TMEM125: variants seen among roughly 807,000 people sequenced by gnomAD.
The protein encoded by TMEM125 is transmembrane protein 125.
TMEM125 carries 11 observed loss-of-function variants against 8.7 expected under a neutral mutation model. The ratio of observed to expected loss-of-function variants is 1.26; its 90% CI spans 0.79 to 2.08. TMEM125 has a LOEUF of 2.08. TMEM125 is among the 30% of genes most tolerant of loss of function. The pLI is 0.00. For synonymous variants in TMEM125, 144 were observed against 146.1 expected, an observed-to-expected ratio of 0.99 and a Z score of 0.10; for missense variants, 270 against 302.4, an observed-to-expected ratio of 0.89 and a Z score of 0.79.
At position 43,272,449 on chromosome 1, in the gene TMEM125, G is replaced by A. The variant is rs1646497600; in HGVS notation, c.-146+110G>A. ...CATTCCCAAGGGACAGTACTGCAGA[G>A]GGGGCTATCCCAGGGGAGATTCGGG... On this transcript the variant is annotated intron_variant, in intron 3 of 3. Coordinates refer to ENST00000439858, the MANE Select transcript of TMEM125 (RefSeq NM_144626.3). This position sits in a 1 kb window ranked among gnomAD's most constrained non-coding sequence, Gnocchi z 5.0. 1 of 366,718 alleles carries A rather than the reference G, an allele frequency of 2.7e-6. No individual in the cohort carries two copies. Among genetic ancestry groups the A allele is most frequent in the Non-Finnish European group, 4.9e-6 (1 of 204,934 alleles). The allele number at this position is 366,718 out of a possible 1,614,324, so 22.7% of individuals were successfully genotyped here.
rs1486614510 is a variant in TMEM125 at position 43,272,300 on chromosome 1, C to T, written c.-185C>T. The T allele has an allele frequency of 4.4e-5, 7 of 158,664 alleles. No individual in the cohort carries two copies. Among genetic ancestry groups the T allele is most frequent in the African/African-American group, 1.2e-4 (5 of 41,720 alleles). The allele number at this position is 158,664 out of a possible 1,614,324, so 9.8% of individuals were successfully genotyped here. Reference sequence around the variant, plus strand: ...CGTGGCACCAGCTCCCTCAGCCAGCCGGGATGGGACCAGCGACTGAGAGAG... The same window carrying T: ...CGTGGCACCAGCTCCCTCAGCCAGCTGGGATGGGACCAGCGACTGAGAGAG... On this transcript the variant is annotated 5_prime_UTR_variant, in exon 3 of 4. Coordinates refer to ENST00000439858, the MANE Select transcript of TMEM125 (RefSeq NM_144626.3). The surrounding 1 kb of genome is among the most constrained non-coding windows in gnomAD (Gnocchi z 5.0).
chr1:43,272,773 C>G lies in TMEM125; in HGVS notation c.51C>G (p.Asp17Glu). 2 of 1,528,948 alleles carry G rather than the reference C, an allele frequency of 1.3e-6. No homozygotes were observed. The highest frequency in any genetic ancestry group is 1.8e-6 in the Non-Finnish European group (2 of 1,137,316). 94.7% of individuals were successfully genotyped at this position (1,528,948 alleles called of 1,614,324 possible). The change falls in exon 4 of 4, where the codon GAC (aspartate) becomes GAG (glutamate). Residue 17 changes from aspartate (D) to glutamate (E), a missense_variant. This residue lies in a region of TMEM125 where 215 missense variants were observed against 216.5 expected (regional missense o/e 0.99). Transcript: ENST00000439858. The surrounding 1 kb of genome is among the most constrained non-coding windows in gnomAD (Gnocchi z 5.0). ...QAPGGRGLPP[D>E]MLAEQVELWW... ...CAGGGGGCCGGGGGCTGCCCCCGGA[C>G]ATGCTGGCAGAGCAGGTGGAGCTGT...
At position 43,273,702 on chromosome 1, in the gene TMEM125, A is replaced by T; in HGVS notation, c.*320A>T. 5.0e-6 allele frequency: 2 copies of T among 398,384 alleles called. No homozygotes were observed. Among genetic ancestry groups the T allele is most frequent in the Non-Finnish European group, 9.6e-6 (2 of 207,260 alleles). The allele number at this position is 398,384 out of a possible 1,614,324, so 24.7% of individuals were successfully genotyped here. On this transcript the variant is annotated 3_prime_UTR_variant, in exon 4 of 4. Transcript: ENST00000439858. Reference sequence around the variant, plus strand: ...CCATTTCCAAGACCCCTCACATCCAATCCTGTCCTGTAACATCCATCAAGG... The same window carrying T: ...CCATTTCCAAGACCCCTCACATCCATTCCTGTCCTGTAACATCCATCAAGG...
At chr1:43,270,881 C>A (rs1468412509) in intron 2 of TMEM125, 88 bp downstream of exon 2, 2 of 151,990 alleles carry the variant, frequency 1.3e-5, no homozygotes, top group Non-Finnish European at 2.9e-5. Flanking sequence ...CCGCCCCCAG[C>A]CTGACACCCG....
rs764007224 is a variant in TMEM125, at chr1:43,272,708, C to T, written c.-15C>T. Reference sequence around the variant, plus strand: ...TGACATTGACCTCCTACCCTGACCCCTGCCTGACCAAGCCATGTCTGAACA... The same window carrying T: ...TGACATTGACCTCCTACCCTGACCCTTGCCTGACCAAGCCATGTCTGAACA... On this transcript the variant is annotated 5_prime_UTR_variant, in exon 4 of 4. Transcript: ENST00000439858. This position sits in a 1 kb window ranked among gnomAD's most constrained non-coding sequence, Gnocchi z 5.0. The T allele has an allele frequency of 7.4e-6, 11 of 1,490,018 alleles. No individual in the cohort carries two copies. In the South Asian group the frequency reaches 1.1e-4, roughly 15 times the overall value. The allele number at this position is 1,490,018 out of a possible 1,614,324, so 92.3% of individuals were successfully genotyped here.
In TMEM125 at chr1:43,273,643, C is replaced by T. The variant is rs903548422; in HGVS notation, c.*261C>T. On this transcript the variant is annotated 3_prime_UTR_variant, in exon 4 of 4. Transcript: ENST00000439858. ...CCTCTCTGTATCTCAGGTCAGTAGG[C>T]GCAGAAACGCCTCATGATGAAGATT... 8 of 540,694 alleles carry T rather than the reference C, an allele frequency of 1.5e-5. No homozygotes were observed. The highest frequency in any genetic ancestry group is 7.6e-5 in the African/African-American group (4 of 52,732). 33.5% of individuals were successfully genotyped at this position (540,694 alleles called of 1,614,324 possible).
In TMEM125 at chr1:43,272,808, A is replaced by C. The variant is rs775853144; in HGVS notation, c.86A>C (p.Gln29Pro). Reference protein sequence around the residue: ...LAEQVELWWSQQPRRSALCFV... With the variant: ...LAEQVELWWSPQPRRSALCFV... ...GAGCAGGTGGAGCTGTGGTGGTCCC[A>C]GCAGCCGCGGCGCTCGGCGCTCTGC... The change falls in exon 4 of 4, where the codon CAG becomes CCG. Residue 29 changes from glutamine (Q) to proline (P), a missense_variant. This residue lies in a region of TMEM125 where 215 missense variants were observed against 216.5 expected (regional missense o/e 0.99). Coordinates refer to ENST00000439858, the MANE Select transcript of TMEM125 (RefSeq NM_144626.3). The surrounding 1 kb of genome is among the most constrained non-coding windows in gnomAD (Gnocchi z 5.0). 6 of 1,565,268 alleles carry C rather than the reference A, an allele frequency of 3.8e-6. No homozygotes were observed. Among genetic ancestry groups the C allele is most frequent in the Non-Finnish European group, 3.5e-6 (4 of 1,152,346 alleles).
Position 43,273,639 on chromosome 1 carries a change from T to G in TMEM125, c.*257T>G. The G allele has an allele frequency of 1.8e-6, 1 of 556,340 alleles. No homozygotes were observed. The allele number at this position is 556,340 out of a possible 1,614,324, so 34.5% of individuals were successfully genotyped here. On this transcript the variant is annotated 3_prime_UTR_variant, in exon 4 of 4. Coordinates refer to ENST00000439858, the MANE Select transcript of TMEM125 (RefSeq NM_144626.3). ...ACTTCCTCTCTGTATCTCAGGTCAG[T>G]AGGCGCAGAAACGCCTCATGATGAA... is the stretch of plus-strand genomic sequence containing the variant.
rs1646499418 is a variant in TMEM125, at chr1:43,272,657, G to A, written c.-66G>A. Reference sequence around the variant, plus strand: ...TGCCAAGCAGGTGGCAGGTGCTCCAGGCTGTGATCTGAACCCTCTGACCCC... The same window carrying A: ...TGCCAAGCAGGTGGCAGGTGCTCCAAGCTGTGATCTGAACCCTCTGACCCC... On this transcript the variant is annotated 5_prime_UTR_variant, in exon 4 of 4. Transcript: ENST00000439858. This position sits in a 1 kb window ranked among gnomAD's most constrained non-coding sequence, Gnocchi z 5.0. 2.9e-6 allele frequency: 4 copies of A among 1,387,586 alleles called. No individual in the cohort carries two copies. In the Admixed American group the frequency reaches 1.2e-4, roughly 42 times the overall value. 86.0% of individuals were successfully genotyped at this position (1,387,586 alleles called of 1,614,324 possible). A position where few individuals can be genotyped will look rare whatever the true frequency, so the allele number is the denominator to read the frequency against.
Position 43,273,609 on chromosome 1 carries a change from A to T in TMEM125, c.*227A>T. On this transcript the variant is annotated 3_prime_UTR_variant, in exon 4 of 4. Coordinates refer to ENST00000439858, the MANE Select transcript of TMEM125 (RefSeq NM_144626.3). Reference sequence around the variant, plus strand: ...TCCTTGGAACTGGGTGTTGGTGTCCATGGAACTTCCTCTCTGTATCTCAGG... The same window carrying T: ...TCCTTGGAACTGGGTGTTGGTGTCCTTGGAACTTCCTCTCTGTATCTCAGG... The T allele has an allele frequency of 1.6e-6, 1 of 613,018 alleles. No homozygotes were observed. Among genetic ancestry groups the T allele is most frequent in the Non-Finnish European group, 2.9e-6 (1 of 345,384 alleles). 38.0% of individuals were successfully genotyped at this position (613,018 alleles called of 1,614,324 possible).
rs1205153425 is a variant in TMEM125, at chr1:43,271,312, A to C, written c.-302+519A>C. ...TTGTCTTCACTTTTCAGACAAGGAGACTGAGGCTCTAAGAGACGAACCATT... is the reference window on the plus strand; with the variant it reads ...TTGTCTTCACTTTTCAGACAAGGAGCCTGAGGCTCTAAGAGACGAACCATT... On this transcript the variant is annotated intron_variant, in intron 2 of 3. Transcript: ENST00000439858. The surrounding 1 kb of genome is among the most constrained non-coding windows in gnomAD (Gnocchi z 4.9). 1.3e-5 allele frequency: 2 copies of C among 152,096 alleles called. No homozygotes were observed. Among genetic ancestry groups the C allele is most frequent in the African/African-American group, 4.8e-5 (2 of 41,326 alleles). 9.4% of individuals were successfully genotyped at this position (152,096 alleles called of 1,614,324 possible).
In TMEM125 at chr1:43,273,301, T is replaced by C; in HGVS notation, c.579T>C (p.His193=). 6.2e-7 allele frequency: 1 copy of C among 1,614,088 alleles called. No individual in the cohort carries two copies. ...TPSTHSGHGG[H]GSIFSISGQL... ...CCACCCACAGTGGCCATGGCGGCCA[T>C]GGCAGCATCTTCAGCATCTCAGGAC... is the stretch of plus-strand genomic sequence containing the variant. Residue 193 remains histidine (H), a synonymous_variant, in exon 4 of 4, where the codon CAT becomes CAC. Coordinates refer to ENST00000439858, the MANE Select transcript of TMEM125 (RefSeq NM_144626.3).
chr1:43,270,131 C>T (rs1166646718), intron 1 of TMEM125, 46 bp downstream of exon 1: 1 of 152,554 alleles, frequency 6.6e-6, no homozygotes, highest in Admixed American at 6.5e-5. Flanking sequence ...GAATTTGGGG[C>T]TAAAGCTGGG....
At chr1:43,270,856 C>G (rs1259133330) in intron 2 of TMEM125, 63 bp downstream of exon 2, 2 of 152,254 alleles carry the variant, frequency 1.3e-5, no homozygotes, top group African/African-American at 2.4e-5. Flanking sequence ...CGCTTCTCCC[C>G]TGAGAACCTC....
rs781260562 is a variant in TMEM125, at chr1:43,273,351, A to G, written c.629A>G (p.Glu210Gly). 1 of 1,610,704 alleles carries G rather than the reference A, an allele frequency of 6.2e-7. No homozygotes were observed. Among genetic ancestry groups the G allele is most frequent in the East Asian group, 2.2e-5 (1 of 44,756 alleles). ...CAGTTGTCTGCTGGCCGGCGTCACG[A>G]GACCACATCCAGCATTGCCAGCCTC... ...SGQLSAGRRH[E>G]TTSSIASLI The change falls in exon 4 of 4, where the codon GAG becomes GGG. Residue 210 changes from glutamate to glycine, a missense_variant. By Grantham distance (98) the Glu-to-Gly change is moderately conservative. This residue lies in a region of TMEM125 where 52 missense variants were observed against 69.4 expected (regional missense o/e 0.75). Transcript: ENST00000439858.
rs1308372883 is a variant in TMEM125 at position 43,271,887 on chromosome 1, A to T, written c.-301-297A>T. ...CTGAAGTGAGGAACGCAGAAGGAAC[A>T]GGTTGGAGTAAGACAACGAGCTTGG... On this transcript the variant is annotated intron_variant, in intron 2 of 3. Coordinates refer to ENST00000439858, the MANE Select transcript of TMEM125 (RefSeq NM_144626.3). The surrounding 1 kb of genome is among the most constrained non-coding windows in gnomAD (Gnocchi z 4.9). 6.6e-6 allele frequency among the ~76,000 whole-genome samples: 1 copy of T among 152,226 alleles called. No homozygotes were observed. Among genetic ancestry groups the T allele is most frequent in the Non-Finnish European group, 1.5e-5 (1 of 68,036 alleles).
In TMEM125 at chr1:43,273,468, C is replaced by T; in HGVS notation, c.*86C>T. The T allele has an allele frequency of 1.3e-6, 2 of 1,488,472 alleles. No individual in the cohort carries two copies. Among genetic ancestry groups the T allele is most frequent in the East Asian group, 2.4e-5 (1 of 41,112 alleles). 92.2% of individuals were successfully genotyped at this position (1,488,472 alleles called of 1,614,324 possible). A position where few individuals can be genotyped will look rare whatever the true frequency, so the allele number is the denominator to read the frequency against. On this transcript the variant is annotated 3_prime_UTR_variant, in exon 4 of 4. Coordinates refer to ENST00000439858, the MANE Select transcript of TMEM125 (RefSeq NM_144626.3). The stretch of plus-strand genomic sequence containing the variant: ...TGTGAGTGCATGTGAACGTTGAGTA[C>T]ACATGAGTGCGTGTATGCCCCCAGG...
At position 43,272,929 on chromosome 1, in the gene TMEM125, A is replaced by T. The variant is rs1025370470; in HGVS notation, c.207A>T (p.Ala69=). ...GCCGCTCAGGTGAATGGCGGCTAGC[A>T]ACGGGCACTGTGCTCTGTTTGCTGG... The part of the protein sequence containing the change: ...TSSRSGEWRL[A]TGTVLCLLAL... The change falls in exon 4 of 4, where the codon GCA becomes GCT. Residue 69 remains alanine (A), a synonymous_variant. Coordinates refer to ENST00000439858, the MANE Select transcript of TMEM125 (RefSeq NM_144626.3). This position sits in a 1 kb window ranked among gnomAD's most constrained non-coding sequence, Gnocchi z 5.0. 16 of 1,602,038 alleles carry T rather than the reference A, an allele frequency of 1.0e-5. No homozygotes were observed. The highest frequency in any genetic ancestry group is 1.3e-5 in the Non-Finnish European group (15 of 1,171,370).
chr1:43,270,924 A>C (rs1646486622), intron 2 of TMEM125, 131 bp downstream of exon 2: 3 of 151,548 alleles, frequency 2.0e-5, no homozygotes, highest in African/African-American at 7.3e-5. Context: ...GCATTTTCAG[A>C]CCAACGAAGT....
Sources: gnomAD v4.1 joint callset for allele counts (sites outside exome capture counted in the v4.1 genomes callset) on GRCh38, gnomAD v4.1.1 for gene constraint, gnomAD v4.1.1 regional missense constraint, Gnocchi (gnomAD v3.1) non-coding constraint, MANE v1.5 for transcripts, NCBI Gene and HGNC (gene_info 2026-07-23, HGNC 2026-07-21) for gene names.